Variants in AFM observed in about 807,000 individuals in gnomAD.
AFM encodes the protein afamin, also known as alpha-Alb.
A neutral mutation model predicts 68.7 loss-of-function variants in AFM; 82 were observed. That is an observed-to-expected ratio of 1.19 (90% CI 1.00 to 1.43). AFM has a LOEUF of 1.43. Among genes scored for constraint, AFM ranks in the 40% most tolerant of loss-of-function variants. The pLI is 0.00. For missense variants in AFM, 772 were observed against 701.8 expected, an observed-to-expected ratio of 1.10 and a Z score of -1.13; for synonymous variants, 250 against 234.2, an observed-to-expected ratio of 1.07 and a Z score of -0.61.
chr4:73,488,575 A>T, intron 6 of AFM, 55 bp from the exon 7 acceptor site: 1 of 1,521,220 alleles, frequency 6.6e-7, no homozygotes, highest in South Asian at 1.2e-5. Flanking sequence ...AATTACTCCC[A>T]CTTGTTCTAC....
chr4:73,494,507 T>C (rs1209899003), intron 8 of AFM, among the ~76,000 whole-genome samples: 1 of 152,140 alleles, frequency 6.6e-6, no homozygotes, highest in Non-Finnish European at 1.5e-5. Context: ...CCCAGGGGAC[T>C]TAGGGTCAAA....
chr4:73,493,820 T>C (rs557466106), intron 8 of AFM, among the ~76,000 whole-genome samples: 1 of 152,328 alleles, frequency 6.6e-6, no homozygotes, highest in Admixed American at 6.5e-5. Context: ...AGATTGTACC[T>C]GACATATGTG....
At chr4:73,496,032 T>G (rs1387961021) in intron 9 of AFM, among the ~76,000 whole-genome samples, 1 of 152,166 alleles carries the variant, frequency 6.6e-6, no homozygotes, top group Non-Finnish European at 1.5e-5. Flanking sequence ...AGAAAACTTT[T>G]TTGTTGTTGT....
chr4:73,495,446 T>C lies in AFM; in HGVS notation c.1191+14T>C, dbSNP rs78055812. On this transcript the variant is annotated intron_variant, in intron 9 of 14. Transcript: ENST00000226355. ...TACCGTTACGCGGTAGGTTCCATTGTTGTAGGTTCAGAAAATCAAAAAAGA... is the reference window on the plus strand; with the variant it reads ...TACCGTTACGCGGTAGGTTCCATTGCTGTAGGTTCAGAAAATCAAAAAAGA... The C allele has an allele frequency of 0.023, 37,485 of 1,596,428 alleles. 734 individuals are homozygous for C. Among genetic ancestry groups the C allele is most frequent in the Admixed American group, 0.07 (3,735 of 53,574 alleles).
chr4:73,494,893 C>A (rs1359100935), intron 8 of AFM, among the ~76,000 whole-genome samples: 2 of 152,182 alleles, frequency 1.3e-5, no homozygotes, highest in Non-Finnish European at 2.9e-5. Context: ...ACGAAGACCA[C>A]ATTGTGGGCG....
chr4:73,484,968 G>A (rs1035441902), intron 3 of AFM, among the ~76,000 whole-genome samples: 1 of 152,136 alleles, frequency 6.6e-6, no homozygotes, highest in East Asian at 1.9e-4. Flanking sequence ...TTTAGAACAA[G>A]GTACTTTCCT....
chr4:73,496,136 C>T (rs1368205953), intron 9 of AFM, among the ~76,000 whole-genome samples: 4 of 152,276 alleles, frequency 2.6e-5, no homozygotes, highest in Non-Finnish European at 5.9e-5. Flanking sequence ...AGGCCAGAAG[C>T]CTGAAATGAG....
intron 8 of AFM, among the ~76,000 whole-genome samples, chr4:73,494,487 G>T (rs1343948379): frequency 6.6e-6 from 1 of 152,096 alleles, no homozygotes; most frequent in East Asian, 1.9e-4. Context: ...GTAAAGAATG[G>T]AGTAAACATC....
At chr4:73,488,417 A>G (rs1309257081) in intron 6 of AFM, among the ~76,000 whole-genome samples, 1 of 152,132 alleles carries the variant, frequency 6.6e-6, no homozygotes, top group African/African-American at 2.4e-5. Flanking sequence ...TTTCACATCC[A>G]GGACTTTGGG....
intron 7 of AFM, among the ~76,000 whole-genome samples, chr4:73,489,988 G>GA (rs1013980285): frequency 6.6e-6 from 1 of 151,262 alleles, no homozygotes; most frequent in Non-Finnish European, 1.5e-5. Context: ...AACTTAAAGT[G>GA]AAAAAAAATT....
chr4:73,495,353 T>C lies in AFM; in HGVS notation c.1112T>C (p.Leu371Ser). The change falls in exon 9 of 15, where the codon TTA becomes TCA. Residue 371 changes from leucine to serine, a missense_variant. Coordinates refer to ENST00000226355, the MANE Select transcript of AFM (RefSeq NM_001133.2). ...CCAGACCTGTCTATACCAGAGCTTT[T>C]AAGAATTGTTCAAATATACAAAGAT... ...RHPDLSIPEL[L>S]RIVQIYKDLL... is the part of the protein sequence containing the mutation. The C allele has an allele frequency of 1.2e-6, 2 of 1,613,178 alleles. No homozygotes were observed. The highest frequency in any genetic ancestry group is 8.5e-7 in the Non-Finnish European group (1 of 1,179,692).
At chr4:73,481,990 C>T (rs375207234) in intron 1 of AFM, 127 bp downstream of exon 1, 16 of 664,878 alleles carry the variant, frequency 2.4e-5, no homozygotes, top group East Asian at 5.9e-5. Flanking sequence ...TTTACATAGG[C>T]TAACCAGTTA....
At chr4:73,495,467 A>G in intron 9 of AFM, 35 bp downstream of exon 9, 1 of 1,591,172 alleles carries the variant, frequency 6.3e-7, no homozygotes. Context: ...GAAAATCAAA[A>G]AAGAACAACT....
chr4:73,487,804 CA>C lies in AFM; in HGVS notation c.699del (p.Val234LeufsTer26), dbSNP rs768775453. 44 of 1,602,216 alleles carry C rather than the reference CA, an allele frequency of 2.7e-5. No homozygotes were observed. The highest frequency in any genetic ancestry group is 3.5e-5 in the Non-Finnish European group (41 of 1,169,584). Reference sequence around the variant, plus strand: ...GTGGGGCACTTTTGAAATTTGGAACCAAAGTTGTACACTTTATGTGAGTTTT... The same window carrying C: ...GTGGGGCACTTTTGAAATTTGGAACCAAGTTGTACACTTTATGTGAGTTTT... Reference protein sequence around the residue: ...VCGALLKFGTKVVHFIYIAIL... With the variant: ...VCGALLKFGTXVVHFIYIAIL... On this transcript the variant is annotated frameshift_variant, in exon 6 of 15. Coordinates refer to ENST00000226355, the MANE Select transcript of AFM (RefSeq NM_001133.2). LOFTEE classifies it high-confidence loss of function.
At chr4:73,488,928 T>C (rs933865487) in intron 7 of AFM, among the ~76,000 whole-genome samples, 169 bp downstream of exon 7, 2 of 152,188 alleles carry the variant, frequency 1.3e-5, no homozygotes, top group African/African-American at 4.8e-5. Context: ...AAATAAACCT[T>C]GGGATTTTTT....
rs1177726035 is a variant in AFM at position 73,491,992 on chromosome 4, A to G, written c.964A>G (p.Arg322Gly). 4 of 1,613,960 alleles carry G rather than the reference A, an allele frequency of 2.5e-6. No homozygotes were observed. The highest frequency in any genetic ancestry group is 3.4e-6 in the Non-Finnish European group (4 of 1,179,946). The change falls in exon 8 of 15, where the codon AGA becomes GGA. Residue 322 changes from arginine (R) to glycine (G), a missense_variant. Arg to Gly is a moderately radical substitution (Grantham distance 125). Coordinates refer to ENST00000226355, the MANE Select transcript of AFM (RefSeq NM_001133.2). ...CATAATTAACTCAAACAAAGATGAT[A>G]GACCAAAGGATTTATCTCTAAGAGA... ...QCIINSNKDD[R>G]PKDLSLREGK...
At chr4:73,487,862 C>G (rs1349217464) in intron 6 of AFM, 41 bp downstream of exon 6, 3 of 1,347,402 alleles carry the variant, frequency 2.2e-6, no homozygotes, top group Admixed American at 1.8e-5. Flanking sequence ...CTTGCATTTC[C>G]TTGTCTGTGT....
intron 7 of AFM, among the ~76,000 whole-genome samples, chr4:73,491,183 C>A (rs1279509182): frequency 6.6e-6 from 1 of 152,156 alleles, no homozygotes; most frequent in Non-Finnish European, 1.5e-5. Flanking sequence ...GATAACCCCA[C>A]CCTCTCTCTA....
chr4:73,496,073 C>A (rs919454603), intron 9 of AFM, among the ~76,000 whole-genome samples: 4 of 152,104 alleles, frequency 2.6e-5, no homozygotes, highest in African/African-American at 4.8e-5. Context: ...TGGTTTCCTG[C>A]TGTTGCCACA....
Sources: allele counts gnomAD v4.1 joint callset (sites outside exome capture counted in the v4.1 genomes callset), GRCh38; gene constraint gnomAD v4.1.1; transcripts MANE v1.5; gene names NCBI Gene and HGNC (gene_info 2026-07-23, HGNC 2026-07-21).